The following MEF2C variants were observed in gnomAD, a reference collection of about 807,000 sequenced individuals.
MEF2C encodes the protein myocyte enhancer factor 2C, also known as myocyte-specific enhancer factor 2C.
In MEF2C, 6 loss-of-function variants were observed where a neutral mutation model predicts 50.5. The ratio of observed to expected loss-of-function variants is 0.12; its 90% CI spans 0.07 to 0.23. The LOEUF is 0.23. Ranked by LOEUF, MEF2C falls within the 10% of genes least tolerant of loss-of-function variation. The pLI is 1.00. For synonymous variants in MEF2C, 183 were observed against 228.0 expected, an observed-to-expected ratio of 0.80 and a Z score of 1.78; for missense variants, 276 against 605.0, an observed-to-expected ratio of 0.46 and a Z score of 5.70.
At chr5:88,741,942 T>G (rs1029572450) in intron 6 of MEF2C, 11 of 984,900 alleles carry the variant, frequency 1.1e-5, no homozygotes. Flanking sequence ...GTATAATACT[T>G]AAGTTTAACA....
At position 88,722,011 on chromosome 5, in the gene MEF2C, A is replaced by T. The variant is rs1756490231; in HGVS notation, c.*593T>A. 1 of 151,238 alleles carries T rather than the reference A, an allele frequency of 6.6e-6. No homozygotes were observed. Among genetic ancestry groups the T allele is most frequent in the African/African-American group, 2.4e-5 (1 of 41,094 alleles). 9.4% of individuals were successfully genotyped at this position (151,238 alleles called of 1,614,324 possible). ...AAATATGTTAGCCCTCCAACTCCAC[A>T]TTTTTTTTTAATAGGTATGGTCCTC... is the stretch of plus-strand genomic sequence containing the variant. On this transcript the variant is annotated 3_prime_UTR_variant, in exon 11 of 11. Coordinates refer to ENST00000504921, the MANE Select transcript of MEF2C (RefSeq NM_002397.5).
chr5:88,859,787 T>C (rs944452439), intron 1 of MEF2C, among the ~76,000 whole-genome samples: 1 of 152,246 alleles, frequency 6.6e-6, no homozygotes, highest in Non-Finnish European at 1.5e-5. Flanking sequence ...TATGAACAAG[T>C]CAACAAATTT....
intron 3 of MEF2C, among the ~76,000 whole-genome samples, chr5:88,779,484 G>T (rs978085891): frequency 6.6e-6 from 1 of 152,040 alleles, no homozygotes; most frequent in Non-Finnish European, 1.5e-5. Context: ...TGAAAGTTTT[G>T]TTGATCTGAC....
At chr5:88,857,596 A>T (rs1823909564) in intron 1 of MEF2C, among the ~76,000 whole-genome samples, 1 of 152,160 alleles carries the variant, frequency 6.6e-6, no homozygotes, top group Admixed American at 6.5e-5. Context: ...AATGGGAGAG[A>T]CCAAGTGGAG....
At chr5:88,861,771 T>C (rs889880431) in intron 1 of MEF2C, among the ~76,000 whole-genome samples, 4 of 152,244 alleles carry the variant, frequency 2.6e-5, no homozygotes, top group Non-Finnish European at 5.9e-5. Flanking sequence ...CACCTTGTGA[T>C]ATTTACTGAC....
intron 3 of MEF2C, among the ~76,000 whole-genome samples, chr5:88,795,060 TTGAAGTCAGGTAGCG>T (rs1163189739): frequency 6.6e-6 from 1 of 152,206 alleles, no homozygotes; most frequent in Non-Finnish European, 1.5e-5. Flanking sequence ...GTGGTATAGT[TTGAAGTCAGGTAGCG>T]TGATGCCTTC....
chr5:88,843,173 A>C, intron 1 of MEF2C: 1 of 290,000 alleles, frequency 3.4e-6, no homozygotes, highest in Non-Finnish European at 5.1e-6. Context: ...GAAGGGCTTT[A>C]TAAAAATCTC....
intron 3 of MEF2C, among the ~76,000 whole-genome samples, chr5:88,801,913 A>G (rs542406328): frequency 8.5e-5 from 13 of 152,346 alleles, no homozygotes; most frequent in South Asian, 8.3e-4. Context: ...TGTAAATTTT[A>G]TCAAGCTTAG....
intron 2 of MEF2C, among the ~76,000 whole-genome samples, chr5:88,809,099 T>C (rs1465958625): frequency 6.6e-6 from 1 of 152,132 alleles, no homozygotes; most frequent in East Asian, 1.9e-4. Context: ...TCCTTTATAT[T>C]TTTGAATCTT....
At chr5:88,724,059 A>G (rs547354399) in intron 10 of MEF2C, among the ~76,000 whole-genome samples, 68 of 152,300 alleles carry the variant, frequency 4.5e-4, no homozygotes, top group African/African-American at 1.6e-3. Flanking sequence ...TTCCAGAGCT[A>G]GAGTCAGGAT....
intron 6 of MEF2C, chr5:88,743,936 A>G: frequency 2.2e-6 from 2 of 916,720 alleles, no homozygotes; most frequent in Non-Finnish European, 2.6e-6. Context: ...AATATACATA[A>G]ATCTCCTTTG....
chr5:88,796,916 C>T (rs1796250526), intron 3 of MEF2C, among the ~76,000 whole-genome samples: 1 of 152,152 alleles, frequency 6.6e-6, no homozygotes, highest in South Asian at 2.1e-4. Flanking sequence ...TCTTGAGGTT[C>T]CCTGTAGTTG....
At chr5:88,748,469 C>A (rs187131672) in intron 6 of MEF2C, among the ~76,000 whole-genome samples, 1 of 152,112 alleles carries the variant, frequency 6.6e-6, no homozygotes, top group Non-Finnish European at 1.5e-5. Flanking sequence ...CAAATTAACA[C>A]GGAAACCTGG....
At chr5:88,738,517 C>A (rs1181145079) in intron 6 of MEF2C, 1 of 877,926 alleles carries the variant, frequency 1.1e-6, no homozygotes, top group Non-Finnish European at 1.4e-6. Context: ...GGAATTTGCT[C>A]AATGTCAAAC....
intron 1 of MEF2C, among the ~76,000 whole-genome samples, chr5:88,897,332 G>C (rs113558250): frequency 0.043 from 6,525 of 152,262 alleles, 162 homozygotes; most frequent in Non-Finnish European, 0.051. Flanking sequence ...AGTCTGTGTA[G>C]CCTACGGCCG....
At chr5:88,880,095 T>TA (rs1304166371) in intron 1 of MEF2C, among the ~76,000 whole-genome samples, 1 of 152,096 alleles carries the variant, frequency 6.6e-6, no homozygotes, top group Non-Finnish European at 1.5e-5. Flanking sequence ...ACGGGGATCT[T>TA]AATTACCTGT....
At chr5:88,788,385 T>G (rs1432426581) in intron 3 of MEF2C, among the ~76,000 whole-genome samples, 2 of 151,562 alleles carry the variant, frequency 1.3e-5, no homozygotes, top group African/African-American at 2.4e-5. Flanking sequence ...TTTTTTTGTA[T>G]TTTTAGTAGA....
chr5:88,746,440 A>G (rs898354226), intron 6 of MEF2C: 1 of 617,134 alleles, frequency 1.6e-6, no homozygotes, highest in African/African-American at 2.2e-5. Context: ...CCTCCCTCTC[A>G]CTTTTTTTTT....
At chr5:88,877,790 TAA>T (rs1010289918) in intron 1 of MEF2C, 9 of 152,040 alleles carry the variant, frequency 5.9e-5, no homozygotes, top group African/African-American at 1.9e-4. Flanking sequence ...ACTGAAATTA[TAA>T]AACTTTCATA....
Sources: gnomAD v4.1 joint callset for allele counts (sites outside exome capture counted in the v4.1 genomes callset) on GRCh38, gnomAD v4.1.1 for gene constraint, MANE v1.5 for transcripts, NCBI Gene and HGNC (gene_info 2026-07-23, HGNC 2026-07-21) for gene names.